MVB12B: variants seen among roughly 807,000 people sequenced by gnomAD.
MVB12B encodes the protein ESCRT-I complex subunit MVB12B.
MVB12B carries 16 observed loss-of-function variants against 41.6 expected under a neutral mutation model. The observed-to-expected ratio is 0.38, with a 90% CI of 0.26 to 0.58. The LOEUF (loss-of-function observed/expected upper bound fraction) is 0.58. Among genes scored for constraint, MVB12B ranks in the 20% least tolerant of loss-of-function variants. MVB12B has a pLI of 0.62. For missense variants in MVB12B, 274 were observed against 380.2 expected (o/e 0.72, Z 2.32); for synonymous variants, 133 against 139.7 (o/e 0.95, Z 0.34).
intron 9 of MVB12B, among the ~76,000 whole-genome samples, chr9:126,502,583 G>A (rs1158324992): frequency 6.6e-6 from 1 of 152,132 alleles, no homozygotes; most frequent in African/African-American, 2.4e-5. Context: ...CCTGTCAGGA[G>A]TCCTCAGCAG....
rs1320233056 is a variant in MVB12B, at chr9:126,389,654, G to A, written c.410-2412G>A. Among the ~76,000 whole-genome samples, 1 of 152,110 alleles carries A rather than the reference G, an allele frequency of 6.6e-6. No homozygotes were observed. The highest frequency in any genetic ancestry group is 1.9e-4 in the East Asian group (1 of 5,180). On this transcript the variant is annotated intron_variant, in intron 4 of 9. Transcript: ENST00000361171. The surrounding 1 kb of genome is among the most constrained non-coding windows in gnomAD (Gnocchi z 4.4). ...CGGCGTTAGTTTTCTTTGTGTAAAG[G>A]TCTCTCTTCTTCGTGCTTTCTAAGG...
chr9:126,403,049 G>A (rs1453415349), intron 6 of MVB12B, among the ~76,000 whole-genome samples: 1 of 152,170 alleles, frequency 6.6e-6, no homozygotes, highest in Non-Finnish European at 1.5e-5. Context: ...TGGGCTTCTG[G>A]GGCTCAGGTA....
At chr9:126,408,201 G>A (rs574153758) in intron 6 of MVB12B, 2 of 152,230 alleles carry the variant, frequency 1.3e-5, no homozygotes, top group African/African-American at 2.4e-5. Flanking sequence ...TTTTGCCGTC[G>A]CCATGGTTGT....
At chr9:126,454,283 C>T (rs1372690152) in intron 7 of MVB12B, among the ~76,000 whole-genome samples, 4 of 152,064 alleles carry the variant, frequency 2.6e-5, no homozygotes, top group Non-Finnish European at 4.4e-5. Context: ...AGGGTCCCAC[C>T]GTGCCTCCAC....
intron 1 of MVB12B, among the ~76,000 whole-genome samples, chr9:126,335,606 C>T (rs537458131): frequency 2.6e-5 from 4 of 152,296 alleles, no homozygotes; most frequent in African/African-American, 4.8e-5. Context: ...TACAGACCAT[C>T]GCTGCCAATG....
At chr9:126,345,202 C>T (rs1443564234) in intron 2 of MVB12B, among the ~76,000 whole-genome samples, 2 of 152,206 alleles carry the variant, frequency 1.3e-5, no homozygotes, top group African/African-American at 2.4e-5. Context: ...TTGCTGTTGG[C>T]TGCCTTCATC....
intron 7 of MVB12B, among the ~76,000 whole-genome samples, chr9:126,423,341 A>G (rs1832079814): frequency 6.6e-6 from 1 of 152,204 alleles, no homozygotes; most frequent in African/African-American, 2.4e-5. Context: ...GGAAAGAGCC[A>G]CAGAGTGAAA....
rs1168372993 is a variant in MVB12B, at chr9:126,392,040, AC to A, written c.410-24del. The A allele has an allele frequency of 1.2e-6, 2 of 1,613,734 alleles. No homozygotes were observed. Among genetic ancestry groups the A allele is most frequent in the South Asian group, 2.2e-5 (2 of 91,076 alleles). On this transcript the variant is annotated intron_variant, in intron 4 of 9. Transcript: ENST00000361171. This position sits in a 1 kb window ranked among gnomAD's most constrained non-coding sequence, Gnocchi z 4.8. ...ATTCTGGTATCTCTGGAAAACTCATACCTTTTCTATTGTCCTTTCCTTCAGA... is the reference window on the plus strand; with the variant it reads ...ATTCTGGTATCTCTGGAAAACTCATACTTTTCTATTGTCCTTTCCTTCAGA...
intron 7 of MVB12B, among the ~76,000 whole-genome samples, chr9:126,457,245 C>T (rs1375615185): frequency 1.3e-5 from 2 of 152,192 alleles, no homozygotes; most frequent in Non-Finnish European, 2.9e-5. Flanking sequence ...CCATCACCAA[C>T]ATTAGCAGTT....
chr9:126,407,726 C>T (rs887644022), intron 6 of MVB12B, among the ~76,000 whole-genome samples: 7 of 152,044 alleles, frequency 4.6e-5, no homozygotes, highest in African/African-American at 1.7e-4. Flanking sequence ...AATTCATTAG[C>T]GTTATTACCA....
At chr9:126,354,464 A>G (rs1348488970) in intron 2 of MVB12B, among the ~76,000 whole-genome samples, 2 of 152,382 alleles carry the variant, frequency 1.3e-5, no homozygotes, top group South Asian at 4.1e-4. Flanking sequence ...TATGAGAAAC[A>G]GTGTATTTAC....
At position 126,421,914 on chromosome 9, in the gene MVB12B, C is replaced by T. The variant is rs201382198; in HGVS notation, c.723C>T (p.Tyr241=). ...GCAGGAACAGCACCCGGACGGACTA[C>T]GAGTACCAGCACTCCAATTTGTATG... ...FRGRNSTRTD[Y]EYQHSNLYAI... is the part of the protein sequence containing the mutation. Residue 241 remains tyrosine, a synonymous_variant, in exon 7 of 10, where the codon TAC becomes TAT. Coordinates refer to ENST00000361171, the MANE Select transcript of MVB12B (RefSeq NM_033446.3). The T allele has an allele frequency of 5.0e-6, 8 of 1,614,010 alleles. No individual in the cohort carries two copies. The highest frequency in any genetic ancestry group is 2.2e-5 in the East Asian group (1 of 44,864).
intron 7 of MVB12B, among the ~76,000 whole-genome samples, chr9:126,466,323 A>C (rs977126805): frequency 6.6e-6 from 1 of 152,188 alleles, no homozygotes; most frequent in African/African-American, 2.4e-5. Context: ...TGGCCGACCC[A>C]GCACTCCAAA....
At chr9:126,425,768 T>G (rs1395142156) in intron 7 of MVB12B, among the ~76,000 whole-genome samples, 1 of 152,202 alleles carries the variant, frequency 6.6e-6, no homozygotes, top group Non-Finnish European at 1.5e-5. Flanking sequence ...GCCACCTCCC[T>G]GCCTTCCTTG....
chr9:126,330,615 A>G (rs551168158), intron 1 of MVB12B, among the ~76,000 whole-genome samples: 12 of 152,298 alleles, frequency 7.9e-5, no homozygotes, highest in African/African-American at 2.9e-4. Context: ...AGTGTTAAAT[A>G]CACGTAACAT....
At position 126,456,842 on chromosome 9, in the gene MVB12B, C is replaced by T. The variant is rs138541421; in HGVS notation, c.758-24527C>T. On this transcript the variant is annotated intron_variant, in intron 7 of 9. Transcript: ENST00000361171. ...TTCACCAGCAGCAGGCTGCTGATAG[C>T]GCCCCTGTTTAACTTCAGTTTATAA... 2.5e-3 allele frequency among the ~76,000 whole-genome samples: 347 copies of T among 141,580 alleles called. 3 individuals are homozygous for T. Among genetic ancestry groups the T allele is most frequent in the African/African-American group, 9.1e-3 (342 of 37,764 alleles). The allele number at this position is 141,580 out of a possible 152,430, so 92.9% of individuals were successfully genotyped here. A position where few individuals can be genotyped will look rare whatever the true frequency, so the allele number is the denominator to read the frequency against.
intron 6 of MVB12B, chr9:126,396,529 A>G: frequency 1.0e-6 from 1 of 985,538 alleles, no homozygotes; most frequent in Non-Finnish European, 1.2e-6. Flanking sequence ...GGAACCGGAC[A>G]GAAGAGTCAC....
At chr9:126,495,339 G>C (rs923633598) in intron 9 of MVB12B, among the ~76,000 whole-genome samples, 3 of 152,192 alleles carry the variant, frequency 2.0e-5, no homozygotes, top group African/African-American at 7.2e-5. Flanking sequence ...AGGGAGGGAA[G>C]GGTTGGGGAG....
At chr9:126,447,891 G>A (rs1832814285) in intron 7 of MVB12B, 1 of 152,212 alleles carries the variant, frequency 6.6e-6, no homozygotes, top group Non-Finnish European at 1.5e-5. Flanking sequence ...GGTCTATTAT[G>A]TATTTTACTC....
Sources: allele counts gnomAD v4.1 joint callset (sites outside exome capture counted in the v4.1 genomes callset), GRCh38; gene constraint gnomAD v4.1.1; non-coding constraint Gnocchi (gnomAD v3.1); transcripts MANE v1.5; gene names NCBI Gene and HGNC (gene_info 2026-07-23, HGNC 2026-07-21).